RALGDS: variants seen among roughly 807,000 people sequenced by gnomAD.
The protein encoded by RALGDS is ral guanine nucleotide exchange factor.
A neutral mutation model predicts 99.8 loss-of-function variants in RALGDS; 44 were observed. That is an observed-to-expected ratio of 0.44 (90% CI 0.35 to 0.57). The LOEUF (loss-of-function observed/expected upper bound fraction) is 0.57. RALGDS is among the 20% of genes least tolerant of loss of function. The pLI is 0.01. For missense variants in RALGDS, 1,022 were observed against 1,203.1 expected, an observed-to-expected ratio of 0.85 and a Z score of 2.23; for synonymous variants, 529 against 505.0, an observed-to-expected ratio of 1.05 and a Z score of -0.64.
At chr9:133,111,344 G>T (rs78575588) in intron 2 of RALGDS, among the ~76,000 whole-genome samples, 4,515 of 150,954 alleles carry the variant, frequency 0.03, 239 homozygotes, top group African/African-American at 0.1. Flanking sequence ...GCAGTGGTGT[G>T]ATCTCGGCTC....
chr9:133,135,254 C>T (rs1234280048), upstream of RALGDS, among the ~76,000 whole-genome samples: 1 of 152,184 alleles, frequency 6.6e-6, no homozygotes, highest in Non-Finnish European at 1.5e-5. Flanking sequence ...GGTGGGCCAC[C>T]CTGGAGTGGG....
At position 133,129,386 on chromosome 9, in the gene RALGDS, C is replaced by T. The variant is rs552726181; in HGVS notation, c.132+1566G>A. The T allele has an allele frequency of 3.3e-3, 4,837 of 1,468,142 alleles. 15 individuals carry two copies. Among genetic ancestry groups the T allele is most frequent in the Non-Finnish European group, 3.9e-3 (4,329 of 1,112,324 alleles). 90.9% of individuals were successfully genotyped at this position (1,468,142 alleles called of 1,614,324 possible). Reference sequence around the variant, plus strand: ...CCTCTGCCAGTGTGCTCGTCGCCTGCGTGCCCTAGTGGAGTGGAGCACCCG... The same window carrying T: ...CCTCTGCCAGTGTGCTCGTCGCCTGTGTGCCCTAGTGGAGTGGAGCACCCG... On this transcript the variant is annotated intron_variant, in intron 1 of 17. Transcript: ENST00000372062.
intron 16 of RALGDS, chr9:133,101,238 G>C: frequency 1.5e-6 from 2 of 1,308,282 alleles, no homozygotes; most frequent in South Asian, 3.1e-5. Flanking sequence ...CAGGGCTCAG[G>C]GCCTATGTGG....
intron 1 of RALGDS, among the ~76,000 whole-genome samples, chr9:133,140,200 C>T (rs1832495057): frequency 6.6e-6 from 1 of 152,048 alleles, no homozygotes; most frequent in South Asian, 2.1e-4. Flanking sequence ...ACTTAAATAC[C>T]TTCTGCCACC....
Position 133,126,604 on chromosome 9 carries a change from C to T in RALGDS, c.132+4348G>A, listed in dbSNP as rs576202117. 1.6e-3 allele frequency among the ~76,000 whole-genome samples: 245 copies of T among 152,314 alleles called. 4 individuals carry two copies. The highest frequency in any genetic ancestry group is 3.9e-4 in the East Asian group (2 of 5,178). On this transcript the variant is annotated intron_variant, in intron 1 of 17. Transcript: ENST00000372062. ...TGCTCTGACAACTGTCCCCCACTCC[C>T]GCAGTGCCCAGTGCCCGACACCCTG...
intron 16 of RALGDS, chr9:133,101,095 C>T (rs1830733516): frequency 8.9e-7 from 1 of 1,128,168 alleles, no homozygotes; most frequent in Non-Finnish European, 1.1e-6. Context: ...CTGGCCCCTT[C>T]CAGGGCTCCC....
intron 9 of RALGDS, 141 bp from the exon 10 acceptor site, chr9:133,104,472 C>T: frequency 1.3e-6 from 1 of 743,378 alleles, no homozygotes; most frequent in Non-Finnish European, 2.3e-6. Context: ...GGGCCGGTGG[C>T]CTGGCCTTCC....
chr9:133,149,121 G>T (rs1364853593), exon 1 of RALGDS: 2 of 344,256 alleles, frequency 5.8e-6, no homozygotes, highest in Non-Finnish European at 8.5e-6. Context: ...CCGGGCCCAG[G>T]ACTCTGCGGC....
intron 1 of RALGDS, among the ~76,000 whole-genome samples, chr9:133,116,542 G>A (rs965791961): frequency 2.0e-5 from 3 of 152,344 alleles, no homozygotes; most frequent in South Asian, 2.1e-4. Context: ...CCCTGTCCAC[G>A]CCCAGCCCCT....
At chr9:133,099,139 G>GA (rs1830628840) in intron 17 of RALGDS, 1 of 271,176 alleles carries the variant, frequency 3.7e-6, no homozygotes, top group Non-Finnish European at 7.2e-6. Context: ...CAAGGACCAG[G>GA]AAAGGACAGG....
Position 133,107,134 on chromosome 9 carries a change from T to C in RALGDS, c.1364A>G (p.Lys455Arg), listed in dbSNP as rs1353529712. 3.7e-6 allele frequency: 6 copies of C among 1,613,778 alleles called. No homozygotes were observed. The highest frequency in any genetic ancestry group is 8.5e-7 in the Non-Finnish European group (1 of 1,180,042). The change falls in exon 7 of 18, where the codon AAA (lysine) becomes AGA (arginine). Residue 455 changes from lysine to arginine, a missense_variant. By Grantham distance (26) the Lys-to-Arg change is conservative. Transcript: ENST00000372050. ...ITTCLGNRST[K>R]APDRARVVEH... ...CACCACCCTGGCCCTGTCTGGGGCT[T>C]TCGTGCTTCGGTTCCCGAGGCAGGT...
At chr9:133,107,957 C>T (rs746187106) in intron 6 of RALGDS, 31 bp downstream of exon 6, 5 of 1,610,830 alleles carry the variant, frequency 3.1e-6, no homozygotes, top group Non-Finnish European at 4.2e-6. Flanking sequence ...AAGGCAGGCC[C>T]ACCCCTGCCC....
In RALGDS at chr9:133,144,668, C is replaced by A. The variant is rs1190904808; in HGVS notation, c.18+4295G>T. 6.6e-6 allele frequency among the ~76,000 whole-genome samples: 1 copy of A among 152,244 alleles called. No homozygotes were observed. The highest frequency in any genetic ancestry group is 1.5e-5 in the Non-Finnish European group (1 of 68,030). Reference sequence around the variant, plus strand: ...CGGGCTCCGCTCACGCCCCCACACCCCCTGGCTGGGGGCTGGGTTCCTGCG... The same window carrying A: ...CGGGCTCCGCTCACGCCCCCACACCACCTGGCTGGGGGCTGGGTTCCTGCG... On this transcript the variant is annotated intron_variant, in intron 1 of 17. Transcript: ENST00000393160. This position sits in a 1 kb window ranked among gnomAD's most constrained non-coding sequence, Gnocchi z 4.5.
chr9:133,141,627 G>A (rs1832524498), intron 1 of RALGDS, among the ~76,000 whole-genome samples: 2 of 152,244 alleles, frequency 1.3e-5, no homozygotes, highest in Admixed American at 1.3e-4. Flanking sequence ...AGGACCAGGG[G>A]CCTGATGGCC....
rs779901927 is a variant in RALGDS at position 133,102,884 on chromosome 9, G to A, written c.1808C>T (p.Ala603Val). ...GGCCGACTGCAGCAGCTTGATCTGG[G>A]CGATCACCTCGAACTCCTGGGGCCA... is the stretch of plus-strand genomic sequence containing the variant. Reference protein sequence around the residue: ...EKRRKEFEVIAQIKLLQSACN... With the variant: ...EKRRKEFEVIVQIKLLQSACN... Residue 603 changes from alanine to valine, a missense_variant, in exon 13 of 18, where the codon GCC (alanine) becomes GTC (valine). Ala to Val is a moderately conservative substitution (Grantham distance 64). Around this residue, in one of 3 missense-constraint regions of RALGDS, gnomAD observed 825 missense variants for 994.5 expected, o/e 0.83. Coordinates refer to ENST00000372050, the MANE Select transcript of RALGDS (RefSeq NM_006266.4). 9.3e-6 allele frequency: 15 copies of A among 1,613,416 alleles called. No homozygotes were observed. Among genetic ancestry groups the A allele is most frequent in the Non-Finnish European group, 1.3e-5 (15 of 1,179,972 alleles).
chr9:133,144,757 AG>A lies in RALGDS; in HGVS notation c.18+4205del, dbSNP rs937214592. 3.9e-5 allele frequency among the ~76,000 whole-genome samples: 6 copies of A among 152,234 alleles called. No homozygotes were observed. The highest frequency in any genetic ancestry group is 1.4e-4 in the African/African-American group (6 of 41,550). Reference sequence around the variant, plus strand: ...GGCACGCGGGTACCCGGCCTTTGGGAGGGGGATCATTCCCAATACTCCTGTT... The same window carrying A: ...GGCACGCGGGTACCCGGCCTTTGGGAGGGGATCATTCCCAATACTCCTGTT... On this transcript the variant is annotated intron_variant, in intron 1 of 17. Coordinates refer to the RALGDS transcript ENST00000393160. The surrounding 1 kb of genome is among the most constrained non-coding windows in gnomAD (Gnocchi z 4.5).
At position 133,100,387 on chromosome 9, in the gene RALGDS, A is replaced by G. The variant is rs369639416; in HGVS notation, c.2455-5T>C. ...AGCCTTATCTTGGCTGGTCACCTGC[A>G]TCGCGGCGGGGGATGGACCATCAGG... On this transcript the variant is annotated splice_polypyrimidine_tract_variant and splice_region_variant and intron_variant, in intron 16 of 17. Transcript: ENST00000372050. 19 of 1,614,054 alleles carry G rather than the reference A, an allele frequency of 1.2e-5. No homozygotes were observed. In the African/African-American group the frequency reaches 2.5e-4, roughly 22 times the overall value.
chr9:133,139,817 A>C (rs2119268172), intron 1 of RALGDS, among the ~76,000 whole-genome samples: 1 of 152,278 alleles, frequency 6.6e-6, no homozygotes, highest in Middle Eastern at 3.4e-3. Flanking sequence ...GGGCCTGCCC[A>C]TGCGGTGCCA....
At chr9:133,142,986 T>G (rs1460764450) in intron 1 of RALGDS, among the ~76,000 whole-genome samples, 1 of 152,210 alleles carries the variant, frequency 6.6e-6, no homozygotes, top group Non-Finnish European at 1.5e-5. Context: ...TTCCAGTGCC[T>G]CAGTTTCCCC....
Sources: allele counts gnomAD v4.1 joint callset (sites outside exome capture counted in the v4.1 genomes callset), GRCh38; gene constraint gnomAD v4.1.1; regional missense constraint gnomAD v4.1.1; non-coding constraint Gnocchi (gnomAD v3.1); transcripts MANE v1.5; gene names NCBI Gene and HGNC (gene_info 2026-07-23, HGNC 2026-07-21).